TNR: variants seen among roughly 807,000 people sequenced by gnomAD.
TNR encodes tenascin R.
A neutral mutation model predicts 150.4 loss-of-function variants in TNR; 45 were observed. The observed-to-expected ratio is 0.30, with a 90% confidence interval of 0.24 to 0.38. The LOEUF (loss-of-function observed/expected upper bound fraction) is 0.38. Among genes scored for constraint, TNR ranks in the 10% least tolerant of loss-of-function variants. The probability of loss-of-function intolerance (pLI) is 1.00; values close to 1 mark genes in which losing one functional copy is unlikely to be tolerated. For synonymous variants in TNR, 687 were observed against 678.4 expected (o/e 1.01, Z -0.20); for missense variants, 1,544 against 1,759.1 (o/e 0.88, Z 2.19).
At chr1:175,337,409 T>TG in intron 19 of TNR, 119 bp downstream of exon 19, 1 of 1,192,236 alleles carries the variant, frequency 8.4e-7, no homozygotes, top group Non-Finnish European at 1.2e-6. Context: ...AAGATGGACA[T>TG]GTGGGGGGTG....
At chr1:175,663,587 A>T (rs1027810692) in intron 1 of TNR, among the ~76,000 whole-genome samples, 2 of 152,176 alleles carry the variant, frequency 1.3e-5, no homozygotes, top group African/African-American at 4.8e-5. Flanking sequence ...GCCAACTCTA[A>T]CCTACAGACA....
At chr1:175,650,576 C>T (rs542325505) in intron 1 of TNR, among the ~76,000 whole-genome samples, 161 of 151,622 alleles carry the variant, frequency 1.1e-3, no homozygotes, top group African/African-American at 3.8e-3. Context: ...GTCCACTACT[C>T]TTGCCCCCAC....
At chr1:175,521,110 A>T (rs1336490186) in intron 2 of TNR, among the ~76,000 whole-genome samples, 2 of 152,142 alleles carry the variant, frequency 1.3e-5, no homozygotes, top group African/African-American at 4.8e-5. Context: ...TGGGATGGGG[A>T]GTAATTTGAG....
intron 2 of TNR, among the ~76,000 whole-genome samples, chr1:175,435,465 C>G (rs149751536): frequency 1.2e-3 from 181 of 152,178 alleles, no homozygotes; most frequent in African/African-American, 4.2e-3. Flanking sequence ...ATTAAAGGCT[C>G]AACTGGGGAC....
chr1:175,451,260 G>A (rs948096171), intron 2 of TNR, among the ~76,000 whole-genome samples: 5 of 149,516 alleles, frequency 3.3e-5, no homozygotes, highest in South Asian at 4.2e-4. Flanking sequence ...TAGGGTACAC[G>A]TGCACAACGT....
At chr1:175,525,192 G>A (rs1195974414) in intron 2 of TNR, among the ~76,000 whole-genome samples, 1 of 152,210 alleles carries the variant, frequency 6.6e-6, no homozygotes, top group African/African-American at 2.4e-5. Flanking sequence ...CTGCCATCAT[G>A]TGAAGAAGGA....
intron 2 of TNR, among the ~76,000 whole-genome samples, chr1:175,433,442 C>T (rs1033231477): frequency 2.0e-5 from 3 of 152,198 alleles, no homozygotes; most frequent in South Asian, 4.1e-4. Flanking sequence ...CTCTGTTCTC[C>T]ATCCAACAAA....
intron 1 of TNR, among the ~76,000 whole-genome samples, chr1:175,684,342 G>A (rs919993625): frequency 6.6e-6 from 1 of 152,156 alleles, no homozygotes; most frequent in Non-Finnish European, 1.5e-5. Context: ...AGAACTTACA[G>A]TTTAGAGAGG....
chr1:175,495,255 C>T (rs992123143), intron 2 of TNR, among the ~76,000 whole-genome samples: 11 of 152,292 alleles, frequency 7.2e-5, no homozygotes, highest in Middle Eastern at 3.4e-3. Context: ...GCTACGGGAA[C>T]CCAGATGAGG....
At chr1:175,590,042 GCC>G (rs1354477977) in intron 1 of TNR, among the ~76,000 whole-genome samples, 2 of 152,060 alleles carry the variant, frequency 1.3e-5, no homozygotes, top group Non-Finnish European at 2.9e-5. Flanking sequence ...TTTTCCTTTT[GCC>G]TCAGACCCTA....
At chr1:175,402,199 C>T (rs1210465784) in intron 4 of TNR, among the ~76,000 whole-genome samples, 3 of 147,526 alleles carry the variant, frequency 2.0e-5, no homozygotes, top group Admixed American at 6.9e-5. Context: ...CCCAGCTACT[C>T]GGGAGGCTGA....
chr1:175,423,709 A>G (rs1654850823), intron 2 of TNR, among the ~76,000 whole-genome samples: 1 of 152,224 alleles, frequency 6.6e-6, no homozygotes, highest in African/African-American at 2.4e-5. Flanking sequence ...GGCAAGCATC[A>G]CAGTCCAAGG....
In TNR at chr1:175,379,714, G is replaced by C. The variant is rs372205222; in HGVS notation, c.1801C>G (p.Arg601Gly). ...CTGGTTGCTGTGCGAGAACCAACTCGCAAGTTCTTGGGGGCATCGATCTCT... is the reference window on the plus strand; with the variant it reads ...CTGGTTGCTGTGCGAGAACCAACTCCCAAGTTCTTGGGGGCATCGATCTCT... The part of the protein sequence containing the change: ...TTEIDAPKNL[R>G]VGSRTATSLD... Residue 601 changes from arginine to glycine, a missense_variant, in exon 9 of 23, where the codon CGA becomes GGA. This residue lies in a region of TNR where 1,254 missense variants were observed against 1,329.4 expected (regional missense o/e 0.94). Transcript: ENST00000367674. 104 of 1,613,980 alleles carry C rather than the reference G, an allele frequency of 6.4e-5. No individual in the cohort carries two copies. Among genetic ancestry groups the C allele is most frequent in the Non-Finnish European group, 8.3e-5 (98 of 1,180,000 alleles).
chr1:175,615,193 G>A (rs1663730808), intron 1 of TNR, among the ~76,000 whole-genome samples: 1 of 152,188 alleles, frequency 6.6e-6, no homozygotes, highest in Non-Finnish European at 1.5e-5. Flanking sequence ...GTCAGAGCCT[G>A]AAGAGAGTAC....
chr1:175,379,424 G>T, intron 9 of TNR, 128 bp downstream of exon 9: 1 of 756,042 alleles, frequency 1.3e-6, no homozygotes, highest in Non-Finnish European at 2.1e-6. Flanking sequence ...AGACATATGT[G>T]CTAGGCACTT....
intron 1 of TNR, among the ~76,000 whole-genome samples, chr1:175,562,248 C>T (rs190752101): frequency 6.6e-6 from 1 of 152,192 alleles, no homozygotes; most frequent in East Asian, 1.9e-4. Context: ...ACTGAAGAAG[C>T]CTGATGGAAA....
At chr1:175,430,179 G>A (rs1210930536) in intron 2 of TNR, among the ~76,000 whole-genome samples, 1 of 151,948 alleles carries the variant, frequency 6.6e-6, no homozygotes, top group Non-Finnish European at 1.5e-5. Context: ...CAATAGTTTG[G>A]ACAACAAATT....
At chr1:175,695,521 A>G (rs918124680) in intron 1 of TNR, among the ~76,000 whole-genome samples, 7 of 152,236 alleles carry the variant, frequency 4.6e-5, no homozygotes, top group African/African-American at 1.7e-4. Context: ...GATAATTAGT[A>G]CGGTTTGAGT....
chr1:175,348,597 G>A (rs1650907731), intron 18 of TNR, among the ~76,000 whole-genome samples: 1 of 152,138 alleles, frequency 6.6e-6, no homozygotes, highest in African/African-American at 2.4e-5. Context: ...GAGTAGAATA[G>A]GGAGTTCAGA....
Sources: gnomAD v4.1 joint callset for allele counts (sites outside exome capture counted in the v4.1 genomes callset) on GRCh38, gnomAD v4.1.1 for gene constraint, gnomAD v4.1.1 regional missense constraint, MANE v1.5 for transcripts, NCBI Gene and HGNC (gene_info 2026-07-23, HGNC 2026-07-21) for gene names.